The following TRIP11 variants were observed in gnomAD, a reference collection of about 807,000 sequenced individuals.
TRIP11 encodes the protein thyroid receptor-interacting protein 11.
Under a neutral mutation model 223.1 loss-of-function variants are expected in TRIP11, and 148 were observed. That is an observed-to-expected ratio of 0.66 (90% CI 0.58 to 0.76). The LOEUF is 0.76. Ranked by LOEUF, TRIP11 falls within the 30% of genes least tolerant of loss-of-function variation. TRIP11 has a pLI of 0.00. For synonymous variants in TRIP11, 762 were observed against 772.6 expected (o/e 0.99, Z 0.23); for missense variants, 2,043 against 2,222.0 (o/e 0.92, Z 1.62).
chr14:91,993,820 T>C lies in TRIP11; in HGVS notation c.5149A>G (p.Ile1717Val). Residue 1717 changes from isoleucine (I) to valine (V), a missense_variant, in exon 15 of 21, where the codon ATA becomes GTA. By Grantham distance (29) the Ile-to-Val change is conservative. Coordinates refer to ENST00000267622, the MANE Select transcript of TRIP11 (RefSeq NM_004239.4). ...KNAENLEGKV[I>V]SLQECLDEAN... is the part of the protein sequence containing the mutation. ...CTATTTTGTCCTACCTGTAATGATA[T>C]CACTTTTCCTTCCAGATTTTCTGCG... 2 of 1,613,132 alleles carry C rather than the reference T, an allele frequency of 1.2e-6. No homozygotes were observed. The highest frequency in any genetic ancestry group is 1.1e-5 in the South Asian group (1 of 91,060).
At chr14:91,999,475 TTC>T in intron 12 of TRIP11, 42 bp from the exon 13 acceptor site, 1 of 1,587,792 alleles carries the variant, frequency 6.3e-7, no homozygotes, top group African/African-American at 1.3e-5. Flanking sequence ...AATGCTCCCT[TTC>T]CACTGCTACA....
At chr14:91,989,111 C>A (rs780033295) in intron 15 of TRIP11, among the ~76,000 whole-genome samples, 10 of 152,050 alleles carry the variant, frequency 6.6e-5, no homozygotes, top group Non-Finnish European at 1.2e-4. Flanking sequence ...TCCTCCTTGC[C>A]CTTAGAATGT....
In TRIP11 at chr14:91,999,371, A is replaced by T. The variant is rs559800255; in HGVS notation, c.4761T>A (p.His1587Gln). The T allele has an allele frequency of 6.2e-7, 1 of 1,613,834 alleles. No individual in the cohort carries two copies. Among genetic ancestry groups the T allele is most frequent in the Non-Finnish European group, 8.5e-7 (1 of 1,179,928 alleles). The change falls in exon 13 of 21, where the codon CAT (histidine) becomes CAA (glutamine). Residue 1587 changes from histidine to glutamine, a missense_variant. Physicochemically the swap from His to Gln is conservative, Grantham distance 24. Coordinates refer to ENST00000267622, the MANE Select transcript of TRIP11 (RefSeq NM_004239.4). The stretch of plus-strand genomic sequence containing the variant: ...TATAAGAATCTTCTGATTCTAAAAG[A>T]TGATTACGCAATCTCTCTAGCTCTT... ...SNQELERLRNHLLESEDSYTR... is the reference protein window; with the variant it reads ...SNQELERLRNQLLESEDSYTR...
intron 18 of TRIP11, 55 bp downstream of exon 18, chr14:91,975,117 C>G (rs927163614): frequency 1.0e-5 from 15 of 1,477,782 alleles, no homozygotes; most frequent in Admixed American, 6.7e-5. Flanking sequence ...TAATTGTCTA[C>G]AAAGCCACTA....
Position 92,010,533 on chromosome 14 carries a change from TA to T in TRIP11, c.1314+452del, listed in dbSNP as rs1047193208. Reference sequence around the variant, plus strand: ...CAACAAGAGCGAAACTCCATCTCATTAAAAAAAAAAATAGAACTTCTTTCTA... The same window carrying T: ...CAACAAGAGCGAAACTCCATCTCATTAAAAAAAAAATAGAACTTCTTTCTA... On this transcript the variant is annotated intron_variant, in intron 9 of 20. Coordinates refer to ENST00000267622, the MANE Select transcript of TRIP11 (RefSeq NM_004239.4). Among the ~76,000 whole-genome samples, 157 of 144,978 alleles carry T rather than the reference TA, an allele frequency of 1.1e-3. No individual in the cohort carries two copies. The East Asian group carries it at 0.026, about 24-fold the overall frequency.
chr14:91,987,866 C>G (rs2056621992), intron 16 of TRIP11, among the ~76,000 whole-genome samples: 1 of 152,230 alleles, frequency 6.6e-6, no homozygotes, highest in African/African-American at 2.4e-5. Flanking sequence ...TCATAAAAAT[C>G]TAGCTATACC....
rs1447080073 is a variant in TRIP11 at position 91,988,304 on chromosome 14, A to G, written c.5240T>C (p.Ile1747Thr). 1.9e-6 allele frequency: 3 copies of G among 1,612,702 alleles called. No individual in the cohort carries two copies. Among genetic ancestry groups the G allele is most frequent in the South Asian group, 1.1e-5 (1 of 90,988 alleles). ...TEQLDVKEEQIEELKRQNELR... is the reference protein window; with the variant it reads ...TEQLDVKEEQTEELKRQNELR... ...CCTACTTTGTCTTTTAAGTTCTTCA[A>G]TTTGTTCTTCTTTTACATCTAACTG... is the stretch of plus-strand genomic sequence containing the variant. Residue 1747 changes from isoleucine (I) to threonine (T), a missense_variant, in exon 16 of 21, where the codon ATT (isoleucine) becomes ACT (threonine). Transcript: ENST00000267622.
At chr14:92,013,015 T>C (rs1461162625) in intron 7 of TRIP11, among the ~76,000 whole-genome samples, 3 of 152,204 alleles carry the variant, frequency 2.0e-5, no homozygotes, top group African/African-American at 7.2e-5. Flanking sequence ...ACGCCTGTAA[T>C]CCCAGCACTT....
chr14:91,976,467 C>G (rs2140084558), intron 16 of TRIP11, among the ~76,000 whole-genome samples: 1 of 152,186 alleles, frequency 6.6e-6, no homozygotes, highest in East Asian at 1.9e-4. Context: ...ACGTTTTCAT[C>G]CTCTTTAAAA....
At chr14:92,021,357 C>G (rs1291022805) in intron 4 of TRIP11, among the ~76,000 whole-genome samples, 199 bp downstream of exon 4, 4 of 147,732 alleles carry the variant, frequency 2.7e-5, no homozygotes, top group Admixed American at 6.8e-5. Flanking sequence ...CTACTACACT[C>G]TAGCATGGGA....
At chr14:92,021,017 C>A (rs1020803601) in intron 4 of TRIP11, among the ~76,000 whole-genome samples, 59 of 149,370 alleles carry the variant, frequency 3.9e-4, no homozygotes, top group African/African-American at 1.3e-3. Context: ...TTGCAGTGAG[C>A]CAATACTGTG....
chr14:91,972,866 G>C lies in TRIP11; in HGVS notation c.5575-5C>G. The C allele has an allele frequency of 6.2e-7, 1 of 1,607,666 alleles. No individual in the cohort carries two copies. Among genetic ancestry groups the C allele is most frequent in the Non-Finnish European group, 8.5e-7 (1 of 1,176,620 alleles). On this transcript the variant is annotated splice_polypyrimidine_tract_variant and splice_region_variant and intron_variant, in intron 19 of 20. Transcript: ENST00000267622. ...AACAAAAAGTTCTGAAAAAGACTAA[G>C]AAAAAATATTTTGGTTATATTAGGC...
At chr14:91,974,585 A>G (rs780093806) in intron 19 of TRIP11, 42 bp downstream of exon 19, 3 of 1,438,662 alleles carry the variant, frequency 2.1e-6, no homozygotes, top group South Asian at 1.1e-5. Context: ...ATATACAGTC[A>G]TTTTACTATT....
intron 2 of TRIP11, among the ~76,000 whole-genome samples, chr14:92,031,050 G>A (rs995246517): frequency 3.9e-5 from 6 of 152,156 alleles, no homozygotes; most frequent in Middle Eastern, 3.4e-3. Context: ...AGGAGTTTGA[G>A]ACCAGCCTGG....
chr14:91,995,589 T>A, intron 13 of TRIP11, 74 bp from the exon 14 acceptor site: 6 of 1,333,616 alleles, frequency 4.5e-6, no homozygotes, highest in Non-Finnish European at 5.2e-6. Context: ...CCACCTTCCC[T>A]ACATCTTATT....
In TRIP11 at chr14:92,037,599, T is replaced by C. The variant is rs1456206292; in HGVS notation, c.139+1948A>G. ...TAGAAAAGGTACATTGAAGGTCGGG[T>C]GCGGTGGCTCACGCCTGTAATCCCA... is the stretch of plus-strand genomic sequence containing the variant. On this transcript the variant is annotated intron_variant, in intron 1 of 20. Transcript: ENST00000267622. The surrounding 1 kb of genome is among the most constrained non-coding windows in gnomAD (Gnocchi z 4.2). Among the ~76,000 whole-genome samples the C allele has an allele frequency of 1.3e-5, 2 of 152,168 alleles. No individual in the cohort carries two copies. Among genetic ancestry groups the C allele is most frequent in the Non-Finnish European group, 2.9e-5 (2 of 68,028 alleles).
chr14:91,988,381 T>A lies in TRIP11; in HGVS notation c.5163A>T (p.Glu1721Asp), dbSNP rs578168633. 17 of 1,613,216 alleles carry A rather than the reference T, an allele frequency of 1.1e-5. No homozygotes were observed. The highest frequency in any genetic ancestry group is 1.4e-5 in the Non-Finnish European group (17 of 1,179,506). The change falls in exon 16 of 21, where the codon GAA becomes GAT. Residue 1721 changes from glutamate (E) to aspartate (D), a missense_variant and splice_region_variant. Transcript: ENST00000267622. ...ATGCAGCATTTGCTTCATCCAAACA[T>A]TCCTGAGAAAGAAAACTTTATTAAA... ...NLEGKVISLQ[E>D]CLDEANAALD... is the part of the protein sequence containing the mutation.
Position 91,974,618 on chromosome 14 carries a change from G to A in TRIP11, c.5574+9C>T. ...ATTCACCTTAAGCAAGAATAAAATT[G>A]TTTCTTACACTATTAACCACAGATT... On this transcript the variant is annotated intron_variant, in intron 19 of 20. Transcript: ENST00000267622. 1.3e-6 allele frequency: 2 copies of A among 1,592,766 alleles called. No homozygotes were observed. Among genetic ancestry groups the A allele is most frequent in the Non-Finnish European group, 1.7e-6 (2 of 1,162,384 alleles).
At chr14:92,014,936 C>T (rs2057016902) in intron 6 of TRIP11, among the ~76,000 whole-genome samples, 1 of 147,012 alleles carries the variant, frequency 6.8e-6, no homozygotes, top group South Asian at 2.1e-4. Flanking sequence ...TGGAGTCTCA[C>T]TCTGTTGCCC....
Sources: gnomAD v4.1 joint callset for allele counts (sites outside exome capture counted in the v4.1 genomes callset) on GRCh38, gnomAD v4.1.1 for gene constraint, Gnocchi (gnomAD v3.1) non-coding constraint, MANE v1.5 for transcripts, NCBI Gene and HGNC (gene_info 2026-07-23, HGNC 2026-07-21) for gene names.